TXNDC15: variants seen among roughly 807,000 people sequenced by gnomAD.
TXNDC15 encodes thioredoxin domain-containing protein 15.
Under a neutral mutation model 35.0 loss-of-function variants are expected in TXNDC15, and 24 were observed. The observed-to-expected ratio is 0.68, with a 90% CI of 0.50 to 0.96. TXNDC15 has a LOEUF of 0.96. Ranked by LOEUF, TXNDC15 falls within the 40% of genes least tolerant of loss-of-function variation. The probability of loss-of-function intolerance (pLI) is 0.00; values close to 1 mark genes in which losing one functional copy is unlikely to be tolerated. For synonymous variants in TXNDC15, 169 were observed against 174.0 expected (o/e 0.97, Z 0.23); for missense variants, 385 against 453.3 (o/e 0.85, Z 1.37).
At chr5:134,874,197 A>G (rs1749974299), upstream of TXNDC15, 1 of 511,858 alleles carries the variant, frequency 2.0e-6, no homozygotes, top group Non-Finnish European at 3.4e-6. Flanking sequence ...AGAGTTCAAA[A>G]CGACCTGCAA....
chr5:134,893,806 A>G (rs1750437638), intron 3 of TXNDC15, 151 bp downstream of exon 3: 1 of 1,053,522 alleles, frequency 9.5e-7, no homozygotes, highest in Non-Finnish European at 1.4e-6. Flanking sequence ...AGTGAGGATT[A>G]TCATACTCCT....
chr5:134,875,506 G>C (rs1037060260), intron 1 of TXNDC15: 2 of 421,952 alleles, frequency 4.7e-6, no homozygotes, highest in African/African-American at 4.1e-5. Flanking sequence ...TTTTGTTTTT[G>C]TTTTTTTAAG....
intron 3 of TXNDC15, among the ~76,000 whole-genome samples, chr5:134,895,130 G>C (rs774011367): frequency 6.6e-6 from 1 of 151,908 alleles, no homozygotes; most frequent in African/African-American, 2.4e-5. Context: ...ACAGTGAGCC[G>C]TGATCCTGTC....
chr5:134,875,058 C>T (rs915106604), intron 1 of TXNDC15: 16 of 443,122 alleles, frequency 3.6e-5, no homozygotes, highest in African/African-American at 2.4e-4. Context: ...AAGCCTGTCT[C>T]TCTGACGCCA....
At chr5:134,882,714 CCTGCAATCGCAGG>C (rs1750183535) in intron 1 of TXNDC15, among the ~76,000 whole-genome samples, 1 of 152,096 alleles carries the variant, frequency 6.6e-6, no homozygotes, top group Admixed American at 6.5e-5. Context: ...GCGGCGCGCG[CCTGCAATCGCAGG>C]CACTCGGCAG....
chr5:134,877,181 AT>A (rs1750050123), intron 1 of TXNDC15, among the ~76,000 whole-genome samples: 1 of 152,098 alleles, frequency 6.6e-6, no homozygotes, highest in Non-Finnish European at 1.5e-5. Flanking sequence ...AGGATGAAGG[AT>A]TTGGCAGGAG....
At chr5:134,889,776 G>A (rs1164388224) in intron 2 of TXNDC15, among the ~76,000 whole-genome samples, 2 of 152,188 alleles carry the variant, frequency 1.3e-5, no homozygotes, top group African/African-American at 2.4e-5. Context: ...AGCAAATATC[G>A]CAGTGTAGCA....
upstream of TXNDC15, chr5:134,874,330 G>C (rs1048754137): frequency 1.3e-5 from 14 of 1,049,204 alleles, no homozygotes; most frequent in Admixed American, 3.7e-4. Flanking sequence ...TGGCGGCGCG[G>C]GGCCGCGCCC....
intron 1 of TXNDC15, among the ~76,000 whole-genome samples, chr5:134,884,799 T>C (rs1005667002): frequency 3.3e-5 from 5 of 152,338 alleles, no homozygotes; most frequent in African/African-American, 1.2e-4. Flanking sequence ...TGTGGCTTGA[T>C]TGATTATTCT....
chr5:134,893,151 G>A lies in TXNDC15; in HGVS notation c.592-341G>A, dbSNP rs180910007. The A allele has an allele frequency of 1.9e-4, 35 of 180,988 alleles. No homozygotes were observed. In the South Asian group the frequency reaches 5.5e-3, roughly 28 times the overall value. The allele number at this position is 180,988 out of a possible 1,614,324, so 11.2% of individuals were successfully genotyped here. A position where few individuals can be genotyped will look rare whatever the true frequency, so the allele number is the denominator to read the frequency against. On this transcript the variant is annotated intron_variant, in intron 2 of 4. Coordinates refer to ENST00000358387, the MANE Select transcript of TXNDC15 (RefSeq NM_024715.4). ...TCAGCAAAGTGCAATGGAGTGAAATGCAGTAAAATGAGGTATGCCTGTATT... is the reference window on the plus strand; with the variant it reads ...TCAGCAAAGTGCAATGGAGTGAAATACAGTAAAATGAGGTATGCCTGTATT...
chr5:134,882,269 A>G (rs1750168037), intron 1 of TXNDC15, among the ~76,000 whole-genome samples: 1 of 150,252 alleles, frequency 6.7e-6, no homozygotes, highest in Non-Finnish European at 1.5e-5. Flanking sequence ...GACGCTCCTC[A>G]CTTCCTAGAT....
At chr5:134,890,674 T>C (rs1211893348) in intron 2 of TXNDC15, among the ~76,000 whole-genome samples, 1 of 151,906 alleles carries the variant, frequency 6.6e-6, no homozygotes, top group Non-Finnish European at 1.5e-5. Context: ...CCTTCCAAAG[T>C]GCTGGGATTA....
rs1208816344 is a variant in TXNDC15 at position 134,887,959 on chromosome 5, G to A, written c.368G>A (p.Arg123Lys). The part of the protein sequence containing the change: ...TCGAGGAEDS[R>K]CNVRESLFSL... ...GGTGCTGGAGGAGCGGAGGACTCAAGGTGCAACGTCCGAGAGAGCCTTTTC... is the reference window on the plus strand; with the variant it reads ...GGTGCTGGAGGAGCGGAGGACTCAAAGTGCAACGTCCGAGAGAGCCTTTTC... The change falls in exon 2 of 5, where the codon AGG (arginine) becomes AAG (lysine). Residue 123 changes from arginine to lysine, a missense_variant. Coordinates refer to ENST00000358387, the MANE Select transcript of TXNDC15 (RefSeq NM_024715.4). 1.2e-6 allele frequency: 2 copies of A among 1,614,236 alleles called. No homozygotes were observed. Among genetic ancestry groups the A allele is most frequent in the South Asian group, 1.1e-5 (1 of 91,084 alleles).
In TXNDC15 at chr5:134,889,628, G is replaced by A. The variant is rs78394088; in HGVS notation, c.591+1446G>A. On this transcript the variant is annotated intron_variant, in intron 2 of 4. Transcript: ENST00000358387. ...GAGATGATAGTTTGGATTTGAGATC[G>A]TAGTCCTCTAATAATTCCATTTTAG... Among the ~76,000 whole-genome samples the A allele has an allele frequency of 4.8e-3, 729 of 152,274 alleles. 6 individuals carry two copies. Among genetic ancestry groups the A allele is most frequent in the African/African-American group, 0.016 (677 of 41,564 alleles).
In TXNDC15 at chr5:134,887,820, G is replaced by A; in HGVS notation, c.229G>A (p.Glu77Lys). The A allele has an allele frequency of 7.4e-6, 12 of 1,614,238 alleles. No homozygotes were observed. The highest frequency in any genetic ancestry group is 1.0e-5 in the Non-Finnish European group (12 of 1,180,044). ...DPMGQDRAAEEANAVLGLDTQ... is the reference protein window; with the variant it reads ...DPMGQDRAAEKANAVLGLDTQ... ...GATGGGCCAGGACAGGGCAGCAGAA[G>A]AGGCCAATGCGGTGCTGGGGCTGGA... is the stretch of plus-strand genomic sequence containing the variant. The change falls in exon 2 of 5, where the codon GAG (glutamate) becomes AAG (lysine). Residue 77 changes from glutamate to lysine, a missense_variant. Coordinates refer to ENST00000358387, the MANE Select transcript of TXNDC15 (RefSeq NM_024715.4).
intron 1 of TXNDC15, among the ~76,000 whole-genome samples, chr5:134,881,071 G>A (rs115874651): frequency 0.019 from 2,861 of 149,084 alleles, 39 homozygotes; most frequent in Admixed American, 0.029. Flanking sequence ...TCCAGTTACT[G>A]TACATTAGAC....
rs374748999 is a variant in TXNDC15, at chr5:134,886,514, C to T, written c.104-1181C>T. On this transcript the variant is annotated intron_variant, in intron 1 of 4. Coordinates refer to ENST00000358387, the MANE Select transcript of TXNDC15 (RefSeq NM_024715.4). ...TTGGGTAAATAGATGTACGAGACTA[C>T]CTGGGACTCTTCCCTTATCTGAGCA... Among the ~76,000 whole-genome samples, 21 of 152,342 alleles carry T rather than the reference C, an allele frequency of 1.4e-4. No homozygotes were observed. The South Asian group carries it at 3.9e-3, about 29-fold the overall frequency.
intron 1 of TXNDC15, among the ~76,000 whole-genome samples, chr5:134,881,860 A>G (rs1366957299): frequency 6.7e-6 from 1 of 148,956 alleles, no homozygotes; most frequent in Non-Finnish European, 1.5e-5. Flanking sequence ...CTGGCCAGGC[A>G]GAGGGGCTCC....
intron 1 of TXNDC15, among the ~76,000 whole-genome samples, chr5:134,878,153 C>T (rs1432779952): frequency 1.3e-5 from 2 of 152,228 alleles, no homozygotes; most frequent in African/African-American, 4.8e-5. Flanking sequence ...CTCAAGTAAT[C>T]TGCCTGCCTT....
Sources: gnomAD v4.1 joint callset for allele counts (sites outside exome capture counted in the v4.1 genomes callset) on GRCh38, gnomAD v4.1.1 for gene constraint, MANE v1.5 for transcripts, NCBI Gene and HGNC (gene_info 2026-07-23, HGNC 2026-07-21) for gene names.